Variants in PPARGC1A observed in about 807,000 individuals in gnomAD.
PPARGC1A encodes PPARG coactivator 1 alpha.
Under a neutral mutation model 88.7 loss-of-function variants are expected in PPARGC1A, and 25 were observed. That is an observed-to-expected ratio of 0.28 (90% CI 0.21 to 0.39). PPARGC1A has a LOEUF of 0.39. Among genes scored for constraint, PPARGC1A ranks in the 10% least tolerant of loss-of-function variants. The pLI, the probability that PPARGC1A is intolerant of heterozygous loss-of-function variation, is 1.00. For synonymous variants in PPARGC1A, 363 were observed against 355.6 expected, an observed-to-expected ratio of 1.02 and a Z score of -0.24; for missense variants, 880 against 968.7, an observed-to-expected ratio of 0.91 and a Z score of 1.22.
the PPARGC1A span, among the ~76,000 whole-genome samples, chr4:24,198,473 C>T: frequency 6.6e-6 from 1 of 152,194 alleles, no homozygotes; most frequent in African/African-American, 2.4e-5. Context: ...TTCTCAAGCA[C>T]ATGCCCCCTC....
At chr4:24,164,961 C>G in the PPARGC1A span, among the ~76,000 whole-genome samples, 1 of 152,148 alleles carries the variant, frequency 6.6e-6, no homozygotes, top group East Asian at 1.9e-4. Flanking sequence ...GGGAGAGGAG[C>G]CTGCTGAGGG....
the PPARGC1A span, among the ~76,000 whole-genome samples, chr4:23,981,646 A>G: frequency 4.6e-5 from 7 of 152,178 alleles, no homozygotes; most frequent in African/African-American, 1.7e-4. Flanking sequence ...AGGAGTCCAC[A>G]ACCAGAGACC....
chr4:24,326,942 A>G, the PPARGC1A span, among the ~76,000 whole-genome samples: 1 of 152,176 alleles, frequency 6.6e-6, no homozygotes, highest in African/African-American at 2.4e-5. Flanking sequence ...TCTGTCAGAC[A>G]TAATTCCTCA....
At chr4:24,225,517 G>A in the PPARGC1A span, among the ~76,000 whole-genome samples, 4 of 149,438 alleles carry the variant, frequency 2.7e-5, no homozygotes, top group Non-Finnish European at 5.9e-5. Flanking sequence ...GTGACAGAGC[G>A]AGACTCCGTC....
At chr4:24,300,162 A>C in the PPARGC1A span, among the ~76,000 whole-genome samples, 1 of 152,050 alleles carries the variant, frequency 6.6e-6, no homozygotes, top group South Asian at 2.1e-4. Flanking sequence ...CTTTACAGAA[A>C]CCGTTTACAT....
At chr4:23,928,009 A>G in the PPARGC1A span, among the ~76,000 whole-genome samples, 6 of 152,128 alleles carry the variant, frequency 3.9e-5, no homozygotes, top group Non-Finnish European at 7.4e-5. Flanking sequence ...ACACTGACAG[A>G]GTCTGGGCAC....
At chr4:24,189,985 G>A in the PPARGC1A span, among the ~76,000 whole-genome samples, 2 of 152,102 alleles carry the variant, frequency 1.3e-5, no homozygotes, top group African/African-American at 2.4e-5. Flanking sequence ...GGAAGTGGCC[G>A]ATGCAATAAA....
chr4:24,040,828 C>T, the PPARGC1A span, among the ~76,000 whole-genome samples: 13 of 152,286 alleles, frequency 8.5e-5, no homozygotes, highest in East Asian at 9.7e-4. Context: ...TTTCCTTAAA[C>T]GTTTTCCCAA....
chr4:24,188,064 A>G, the PPARGC1A span, among the ~76,000 whole-genome samples: 5 of 152,238 alleles, frequency 3.3e-5, no homozygotes, highest in African/African-American at 7.2e-5. Context: ...ATTATCCTCT[A>G]TATGGACTGT....
At chr4:24,051,497 T>G in the PPARGC1A span, among the ~76,000 whole-genome samples, 2 of 152,208 alleles carry the variant, frequency 1.3e-5, no homozygotes, top group African/African-American at 4.8e-5. Flanking sequence ...CCCTATGAGT[T>G]AAGTGCTATT....
At chr4:23,868,324 G>GT (rs1166245759) in intron 2 of PPARGC1A, among the ~76,000 whole-genome samples, 1 of 143,682 alleles carries the variant, frequency 7.0e-6, no homozygotes, top group African/African-American at 2.5e-5. Flanking sequence ...GCATACTGCT[G>GT]TCACTATTGG....
chr4:23,796,369 T>G (rs1717609519), intron 12 of PPARGC1A, among the ~76,000 whole-genome samples: 1 of 152,152 alleles, frequency 6.6e-6, no homozygotes, highest in Admixed American at 6.6e-5. Flanking sequence ...CCCCTAAACT[T>G]CAACCTGATG....
At chr4:24,303,005 A>G in the PPARGC1A span, among the ~76,000 whole-genome samples, 1 of 152,200 alleles carries the variant, frequency 6.6e-6, no homozygotes, top group Non-Finnish European at 1.5e-5. Context: ...GGGTGACATC[A>G]AGTAAAAGGA....
the PPARGC1A span, among the ~76,000 whole-genome samples, chr4:24,348,076 G>A: frequency 3.3e-5 from 5 of 152,166 alleles, no homozygotes; most frequent in South Asian, 2.1e-4. Context: ...GCTTAGTTTC[G>A]CTGGATACAA....
At chr4:23,845,370 G>GAT (rs1429966360) in intron 2 of PPARGC1A, among the ~76,000 whole-genome samples, 1 of 152,106 alleles carries the variant, frequency 6.6e-6, no homozygotes, top group Non-Finnish European at 1.5e-5. Flanking sequence ...AGCACCACAA[G>GAT]ATAATATGTG....
At chr4:23,920,715 A>G in the PPARGC1A span, among the ~76,000 whole-genome samples, 1 of 152,166 alleles carries the variant, frequency 6.6e-6, no homozygotes, top group Non-Finnish European at 1.5e-5. Flanking sequence ...CTAAACTCAG[A>G]AAAGGGGAAA....
the PPARGC1A span, among the ~76,000 whole-genome samples, chr4:24,148,712 A>G: frequency 6.6e-6 from 1 of 152,190 alleles, no homozygotes; most frequent in South Asian, 2.1e-4. Context: ...TCTGTGATGA[A>G]TCCTCAGTTC....
the PPARGC1A span, among the ~76,000 whole-genome samples, chr4:24,127,845 A>C: frequency 6.6e-6 from 1 of 152,178 alleles, no homozygotes; most frequent in Admixed American, 6.5e-5. Context: ...TATAGAAAAA[A>C]AATAGTAAGG....
the PPARGC1A span, among the ~76,000 whole-genome samples, chr4:24,150,439 G>C: frequency 6.6e-6 from 1 of 152,084 alleles, no homozygotes; most frequent in African/African-American, 2.4e-5. Flanking sequence ...TTTAGCTTTT[G>C]ATTAAACAAC....
Sources: gnomAD v4.1 joint callset for allele counts (sites outside exome capture counted in the v4.1 genomes callset) on GRCh38, gnomAD v4.1.1 for gene constraint, MANE v1.5 for transcripts, NCBI Gene and HGNC (gene_info 2026-07-23, HGNC 2026-07-21) for gene names.